ARPP19: variants seen among roughly 807,000 people sequenced by gnomAD.
ARPP19 encodes the protein cAMP-regulated phosphoprotein 19.
A neutral mutation model predicts 12.0 loss-of-function variants in ARPP19; 8 were observed. The observed-to-expected ratio is 0.67, with a 90% CI of 0.39 to 1.21. The LOEUF is 1.21. Ranked by LOEUF, ARPP19 falls within the 50% of genes most tolerant of loss-of-function variation. ARPP19 has a pLI of 0.01. For synonymous variants in ARPP19, 47 were observed against 50.4 expected (o/e 0.93, Z 0.29); for missense variants, 102 against 136.3 (o/e 0.75, Z 1.25).
At position 52,562,872 on chromosome 15, in the gene ARPP19, T is replaced by G. The variant is rs1279126733; in HGVS notation, c.46-5650A>C. Among the ~76,000 whole-genome samples the G allele has an allele frequency of 4.7e-5, 7 of 148,612 alleles. 1 individual carries two copies. The highest frequency in any genetic ancestry group is 4.0e-4 in the Admixed American group (6 of 15,018). On this transcript the variant is annotated intron_variant, in intron 1 of 2. Coordinates refer to ENST00000249822, the MANE Select transcript of ARPP19 (RefSeq NM_006628.6). The stretch of plus-strand genomic sequence containing the variant: ...ATATGGCAAGCTTAAGAAGTTTTTT[T>G]TTTTTTTTTTTTTGAGACAGAGTCT...
rs2077912875 is a variant in ARPP19, at chr15:52,549,842, A to T, written c.*2092T>A. The T allele has an allele frequency of 6.6e-6, 1 of 151,958 alleles. No homozygotes were observed. The highest frequency in any genetic ancestry group is 2.4e-5 in the African/African-American group (1 of 41,078). 9.4% of individuals were successfully genotyped at this position (151,958 alleles called of 1,614,324 possible). A position where few individuals can be genotyped will look rare whatever the true frequency, so the allele number is the denominator to read the frequency against. On this transcript the variant is annotated 3_prime_UTR_variant, in exon 3 of 3. Transcript: ENST00000249822. ...TTCTTAAATTGATTCTATAATGAGT[A>T]TATACTTGCTCTCATTACAAATATA...
chr15:52,559,842 T>C (rs893517048), intron 1 of ARPP19, among the ~76,000 whole-genome samples: 6 of 152,194 alleles, frequency 3.9e-5, no homozygotes, highest in Admixed American at 3.3e-4. Context: ...TGGGTTTCCC[T>C]GCACAGCTGG....
intron 1 of ARPP19, among the ~76,000 whole-genome samples, chr15:52,563,097 A>T (rs1375560609): frequency 6.6e-6 from 1 of 151,924 alleles, no homozygotes; most frequent in Non-Finnish European, 1.5e-5. Flanking sequence ...GCTGGTCTTG[A>T]ACTCCTGACC....
rs950720122 is a variant in ARPP19 at position 52,550,622 on chromosome 15, A to C, written c.*1312T>G. On this transcript the variant is annotated 3_prime_UTR_variant, in exon 3 of 3. Coordinates refer to ENST00000249822, the MANE Select transcript of ARPP19 (RefSeq NM_006628.6). ...ACAGAGCAAGGCCCTATCCTAAAAA[A>C]AAAAGAGAAAGAAGTTAACAACTGA... 1 of 152,230 alleles carries C rather than the reference A, an allele frequency of 6.6e-6. No homozygotes were observed. The allele number at this position is 152,230 out of a possible 1,614,324, so 9.4% of individuals were successfully genotyped here.
intron 1 of ARPP19, among the ~76,000 whole-genome samples, chr15:52,560,379 A>G (rs930221661): frequency 6.6e-6 from 1 of 152,210 alleles, no homozygotes; most frequent in African/African-American, 2.4e-5. Flanking sequence ...TTTGGGTAAA[A>G]CAGCATCTAT....
chr15:52,562,361 C>CA (rs994987142), intron 1 of ARPP19, among the ~76,000 whole-genome samples: 2 of 151,790 alleles, frequency 1.3e-5, no homozygotes, highest in Non-Finnish European at 2.9e-5. Context: ...TCAGTAACAA[C>CA]AAAAAAATTA....
At chr15:52,564,298 CAGCT>C in intron 1 of ARPP19, 1 of 1,351,144 alleles carries the variant, frequency 7.4e-7, no homozygotes, top group Non-Finnish European at 1.0e-6. Flanking sequence ...CCTGCAGTCC[CAGCT>C]ACTTGGAGGC....
At chr15:52,565,573 C>T (rs1368873312) in intron 1 of ARPP19, among the ~76,000 whole-genome samples, 1 of 152,172 alleles carries the variant, frequency 6.6e-6, no homozygotes, top group African/African-American at 2.4e-5. Context: ...CAGCAGGTTA[C>T]TCCAACTGTC....
rs1359902273 is a variant in ARPP19, at chr15:52,554,419, A to G, written c.169-2315T>C. Among the ~76,000 whole-genome samples the G allele has an allele frequency of 2.9e-5, 4 of 139,774 alleles. No individual in the cohort carries two copies. The South Asian group carries it at 1.0e-3, about 35-fold the overall frequency. The allele number at this position is 139,774 out of a possible 152,430, so 91.7% of individuals were successfully genotyped here. On this transcript the variant is annotated intron_variant, in intron 2 of 2. Coordinates refer to ENST00000249822, the MANE Select transcript of ARPP19 (RefSeq NM_006628.6). Reference sequence around the variant, plus strand: ...CAATAAAACAACAAAGATGTCAGAGAAAGAAGCTAATGCTTTAAGATAGAG... The same window carrying G: ...CAATAAAACAACAAAGATGTCAGAGGAAGAAGCTAATGCTTTAAGATAGAG...
chr15:52,558,648 C>T (rs917563002), intron 1 of ARPP19, among the ~76,000 whole-genome samples: 11 of 151,736 alleles, frequency 7.2e-5, no homozygotes, highest in African/African-American at 2.7e-4. Context: ...ATAGTCAAAG[C>T]AGGAATGTTA....
intron 2 of ARPP19, among the ~76,000 whole-genome samples, 160 bp from the exon 3 acceptor site, chr15:52,552,264 C>T (rs2077940030): frequency 6.6e-6 from 1 of 151,984 alleles, no homozygotes. Context: ...CAGCATAAGT[C>T]AACAGCCGAG....
chr15:52,564,272 G>T, intron 1 of ARPP19: 1 of 1,521,016 alleles, frequency 6.6e-7, no homozygotes, highest in Non-Finnish European at 8.8e-7. Context: ...AAACATGGAT[G>T]AGGCGGTTGC....
upstream of ARPP19, chr15:52,569,196 A>G (rs910017210): frequency 2.5e-6 from 1 of 397,908 alleles, no homozygotes; most frequent in South Asian, 2.7e-5. Flanking sequence ...CTCACCTCAC[A>G]TCCGTTTGTG....
In ARPP19 at chr15:52,547,671, A is replaced by G. The variant is rs945696817; in HGVS notation, c.*4263T>C. The G allele has an allele frequency of 4.6e-5, 7 of 152,198 alleles. No individual in the cohort carries two copies. The highest frequency in any genetic ancestry group is 7.3e-5 in the Non-Finnish European group (5 of 68,028). The allele number at this position is 152,198 out of a possible 1,614,324, so 9.4% of individuals were successfully genotyped here. On this transcript the variant is annotated 3_prime_UTR_variant, in exon 3 of 3. Coordinates refer to ENST00000249822, the MANE Select transcript of ARPP19 (RefSeq NM_006628.6). ...ACAGAGTGAGATATCTTTGATTACA[A>G]TTTTATAAGGTGTGGTGGGGAATTG...
At chr15:52,553,202 C>G (rs1449950936) in intron 2 of ARPP19, among the ~76,000 whole-genome samples, 5 of 152,080 alleles carry the variant, frequency 3.3e-5, no homozygotes, top group Admixed American at 6.5e-5. Flanking sequence ...TGAACTAGAG[C>G]AGTTTACCAA....
chr15:52,554,573 CTTA>C (rs2077964757), intron 2 of ARPP19, among the ~76,000 whole-genome samples: 1 of 152,004 alleles, frequency 6.6e-6, no homozygotes, highest in African/African-American at 2.4e-5. Flanking sequence ...AGATGACAAT[CTTA>C]TAAAAGCCTC....
chr15:52,563,628 T>C (rs80247845), intron 1 of ARPP19, among the ~76,000 whole-genome samples: 2,484 of 152,304 alleles, frequency 0.016, 67 homozygotes, highest in African/African-American at 0.057. Flanking sequence ...TAGTCTATTA[T>C]ACACTGAGCA....
At chr15:52,564,097 T>C in intron 1 of ARPP19, 1 of 850,292 alleles carries the variant, frequency 1.2e-6, no homozygotes, top group Non-Finnish European at 1.9e-6. Flanking sequence ...ATTCAAGTCT[T>C]GCACAAACAA....
rs192078162 is a variant in ARPP19 at position 52,565,831 on chromosome 15, T to C, written c.45+3017A>G. ...AATCAAAAATTTAGACTGGCTTTGTTGTATTTAATCTGTTTTAGTTTAAAT... is the reference window on the plus strand; with the variant it reads ...AATCAAAAATTTAGACTGGCTTTGTCGTATTTAATCTGTTTTAGTTTAAAT... On this transcript the variant is annotated intron_variant, in intron 1 of 2. Transcript: ENST00000249822. Among the ~76,000 whole-genome samples, 10 of 152,366 alleles carry C rather than the reference T, an allele frequency of 6.6e-5. 1 individual carries two copies. Among genetic ancestry groups the C allele is most frequent in the Admixed American group, 5.2e-4 (8 of 15,310 alleles).
Sources: gnomAD v4.1 joint callset for allele counts (sites outside exome capture counted in the v4.1 genomes callset) on GRCh38, gnomAD v4.1.1 for gene constraint, MANE v1.5 for transcripts, NCBI Gene and HGNC (gene_info 2026-07-23, HGNC 2026-07-21) for gene names.